SERPINI1: variants seen among roughly 807,000 people sequenced by gnomAD.
The protein encoded by SERPINI1 is neuroserpin.
SERPINI1 carries 19 observed loss-of-function variants against 41.1 expected under a neutral mutation model. That is an observed-to-expected ratio of 0.46 (90% CI 0.32 to 0.68). The LOEUF is 0.68. SERPINI1 is among the 30% of genes least tolerant of loss of function. The pLI is 0.03. For missense variants in SERPINI1, 460 were observed against 479.2 expected, an observed-to-expected ratio of 0.96 and a Z score of 0.37; for synonymous variants, 138 against 156.6, an observed-to-expected ratio of 0.88 and a Z score of 0.89.
At chr3:167,817,977 A>G (rs1046532343) in intron 6 of SERPINI1, among the ~76,000 whole-genome samples, 14 of 152,012 alleles carry the variant, frequency 9.2e-5, no homozygotes, top group African/African-American at 3.4e-4. Context: ...ATTCGCATAA[A>G]AAAGAACAAA....
intron 1 of SERPINI1, among the ~76,000 whole-genome samples, chr3:167,763,782 C>T (rs1472199781): frequency 6.6e-6 from 1 of 152,092 alleles, no homozygotes; most frequent in African/African-American, 2.4e-5. Flanking sequence ...TTAACCATCT[C>T]CTAGGAAATT....
chr3:167,744,629 AT>A (rs1183822388), intron 1 of SERPINI1, among the ~76,000 whole-genome samples: 1 of 137,138 alleles, frequency 7.3e-6, no homozygotes, highest in Non-Finnish European at 1.5e-5. Context: ...ATATTTAAAT[AT>A]TTTATATTTA....
intron 5 of SERPINI1, among the ~76,000 whole-genome samples, chr3:167,806,202 C>T (rs1277210954): frequency 1.3e-5 from 2 of 151,996 alleles, no homozygotes; most frequent in East Asian, 1.9e-4. Context: ...AACGATCATC[C>T]TCAGCAAACT....
chr3:167,735,855 A>T (rs13088242), intron 1 of SERPINI1, 32 bp downstream of exon 1: 2 of 152,296 alleles, frequency 1.3e-5, no homozygotes, highest in Non-Finnish European at 2.9e-5. Context: ...GGGCGTCTGC[A>T]CTGCCCTGGA....
intron 6 of SERPINI1, among the ~76,000 whole-genome samples, chr3:167,821,880 G>A (rs1040348870): frequency 6.6e-6 from 1 of 152,166 alleles, no homozygotes; most frequent in African/African-American, 2.4e-5. Flanking sequence ...AAATCTTCAG[G>A]TAGAGACCTG....
intron 6 of SERPINI1, among the ~76,000 whole-genome samples, chr3:167,819,266 A>G (rs554786301): frequency 1.3e-5 from 2 of 152,270 alleles, no homozygotes; most frequent in African/African-American, 4.8e-5. Flanking sequence ...CTCCTGCCTC[A>G]GCTTCCCTGA....
rs919372105 is a variant in SERPINI1 at position 167,812,289 on chromosome 3, A to G, written c.979+4948A>G. On this transcript the variant is annotated intron_variant, in intron 6 of 8. Coordinates refer to ENST00000446050, the MANE Select transcript of SERPINI1 (RefSeq NM_001122752.2). ...GCCAGCCTTCAGTCACCTGTGCCCC[A>G]TCCGCTGCTCAGCAGGGCATTGAGA... Among the ~76,000 whole-genome samples, 17 of 152,182 alleles carry G rather than the reference A, an allele frequency of 1.1e-4. 1 individual carries two copies. Among genetic ancestry groups the G allele is most frequent in the African/African-American group, 2.7e-4 (11 of 41,440 alleles).
At chr3:167,803,978 A>G (rs1053488275) in intron 5 of SERPINI1, among the ~76,000 whole-genome samples, 3 of 152,232 alleles carry the variant, frequency 2.0e-5, no homozygotes, top group African/African-American at 7.2e-5. Flanking sequence ...TAAGCTCCAC[A>G]TAAGTGTTCA....
In SERPINI1 at chr3:167,792,728, A is replaced by T; in HGVS notation, c.620A>T (p.Asp207Val). Reference protein sequence around the residue: ...ENTRTFSFTKDDESEVQIPMM... With the variant: ...ENTRTFSFTKVDESEVQIPMM... Reference sequence around the variant, plus strand: ...ACTAGAACCTTTTCTTTCACTAAAGATGATGAAAGTGAAGTCCAAATTCCA... The same window carrying T: ...ACTAGAACCTTTTCTTTCACTAAAGTTGATGAAAGTGAAGTCCAAATTCCA... The change falls in exon 4 of 9, where the codon GAT (aspartate) becomes GTT (valine). Residue 207 changes from aspartate to valine, a missense_variant. Physicochemically the swap from Asp to Val is radical, Grantham distance 152. Coordinates refer to ENST00000446050, the MANE Select transcript of SERPINI1 (RefSeq NM_001122752.2). 6.2e-7 allele frequency: 1 copy of T among 1,613,852 alleles called. No individual in the cohort carries two copies. The highest frequency in any genetic ancestry group is 8.5e-7 in the Non-Finnish European group (1 of 1,179,846).
chr3:167,756,985 G>A (rs1220822992), intron 1 of SERPINI1, among the ~76,000 whole-genome samples: 1 of 152,178 alleles, frequency 6.6e-6, no homozygotes, highest in Non-Finnish European at 1.5e-5. Context: ...AATCAATTCT[G>A]TGAAATTCAG....
chr3:167,801,727 C>T lies in SERPINI1; in HGVS notation c.882-5517C>T, dbSNP rs1036779592. On this transcript the variant is annotated intron_variant, in intron 5 of 8. Transcript: ENST00000446050. ...TAAGCACTCAATATATGGGAGATAA[C>T]GATTATTTATATTAATATTATCTTT... Among the ~76,000 whole-genome samples, 125 of 151,770 alleles carry T rather than the reference C, an allele frequency of 8.2e-4. 4 individuals are homozygous for T. Among genetic ancestry groups the T allele is most frequent in the Admixed American group, 6.3e-3 (96 of 15,236 alleles).
rs143414454 is a variant in SERPINI1 at position 167,742,634 on chromosome 3, G to T, written c.-19+6811G>T. Among the ~76,000 whole-genome samples the T allele has an allele frequency of 1.7e-3, 259 of 152,240 alleles. 1 individual carries two copies. The highest frequency in any genetic ancestry group is 5.8e-3 in the African/African-American group (239 of 41,542). On this transcript the variant is annotated intron_variant, in intron 1 of 8. Coordinates refer to ENST00000446050, the MANE Select transcript of SERPINI1 (RefSeq NM_001122752.2). ...ACTAACTGGCTCATGTCATATGGCT[G>T]CCCTAGCTTTAATGGAAGTGGAGAT...
At chr3:167,804,226 T>C (rs1191986245) in intron 5 of SERPINI1, among the ~76,000 whole-genome samples, 1 of 152,196 alleles carries the variant, frequency 6.6e-6, no homozygotes, top group Non-Finnish European at 1.5e-5. Context: ...TTGATATACA[T>C]GTACTCATCT....
At chr3:167,815,461 C>T (rs531351124) in intron 6 of SERPINI1, among the ~76,000 whole-genome samples, 3 of 151,774 alleles carry the variant, frequency 2.0e-5, no homozygotes, top group Non-Finnish European at 4.4e-5. Flanking sequence ...ACAATCTTGG[C>T]TCACTGCAAC....
chr3:167,809,467 A>G (rs1238913677), intron 6 of SERPINI1, among the ~76,000 whole-genome samples: 1 of 152,212 alleles, frequency 6.6e-6, no homozygotes, highest in Non-Finnish European at 1.5e-5. Context: ...GAAATCAATT[A>G]TTGTGGTCAG....
At chr3:167,809,183 A>G (rs1008579164) in intron 6 of SERPINI1, among the ~76,000 whole-genome samples, 2 of 152,162 alleles carry the variant, frequency 1.3e-5, no homozygotes, top group African/African-American at 4.8e-5. Context: ...TTCAAAATAT[A>G]ATGTGGTATC....
At chr3:167,807,453 T>C in intron 6 of SERPINI1, 112 bp downstream of exon 6, 1 of 699,026 alleles carries the variant, frequency 1.4e-6, no homozygotes, top group Non-Finnish European at 2.5e-6. Context: ...TAGTTACCAC[T>C]TGCCAAATAA....
intron 1 of SERPINI1, among the ~76,000 whole-genome samples, chr3:167,742,705 G>T (rs538409289): frequency 6.6e-6 from 1 of 152,076 alleles, no homozygotes. Flanking sequence ...GGGGAACAAA[G>T]GTTTGAGAAT....
Position 167,759,400 on chromosome 3 carries a change from G to GTATATATATATA in SERPINI1, c.-19+23587_-19+23598dup, listed in dbSNP as rs71753556. 1.3e-3 allele frequency among the ~76,000 whole-genome samples: 152 copies of GTATATATATATA among 121,162 alleles called. 7 individuals are homozygous for GTATATATATATA. Among genetic ancestry groups the GTATATATATATA allele is most frequent in the Middle Eastern group, 4.0e-3 (1 of 252 alleles). The allele number at this position is 121,162 out of a possible 152,430, so 79.5% of individuals were successfully genotyped here. Reference sequence around the variant, plus strand: ...ATCAACATTGGATAAAGAAAATGTGGTATATATATATATATATATATGCGC... The same window carrying GTATATATATATA: ...ATCAACATTGGATAAAGAAAATGTGGTATATATATATATATATATATATATATATATATGCGC... On this transcript the variant is annotated intron_variant, in intron 1 of 8. Coordinates refer to ENST00000446050, the MANE Select transcript of SERPINI1 (RefSeq NM_001122752.2).
Sources: gnomAD v4.1 joint callset for allele counts (sites outside exome capture counted in the v4.1 genomes callset) on GRCh38, gnomAD v4.1.1 for gene constraint, MANE v1.5 for transcripts, NCBI Gene and HGNC (gene_info 2026-07-23, HGNC 2026-07-21) for gene names.